The following SRPK2 variants were observed in gnomAD, a reference collection of about 807,000 sequenced individuals.
The protein encoded by SRPK2 is SRSF protein kinase 2.
A neutral mutation model predicts 90.8 loss-of-function variants in SRPK2; 21 were observed. The ratio of observed to expected loss-of-function variants is 0.23; its 90% CI spans 0.16 to 0.33. SRPK2 has a LOEUF of 0.33. Ranked by LOEUF, SRPK2 falls within the 10% of genes least tolerant of loss-of-function variation. SRPK2 has a pLI of 1.00. For synonymous variants in SRPK2, 288 were observed against 311.1 expected, an observed-to-expected ratio of 0.93 and a Z score of 0.78; for missense variants, 620 against 869.0, an observed-to-expected ratio of 0.71 and a Z score of 3.60.
chr7:105,175,863 T>C (rs1791772457), intron 3 of SRPK2, among the ~76,000 whole-genome samples: 1 of 152,146 alleles, frequency 6.6e-6, no homozygotes, highest in Non-Finnish European at 1.5e-5. Context: ...AATGAATTTA[T>C]TGTTCAAAAT....
At chr7:105,128,464 G>A (rs1031310660) in intron 13 of SRPK2, among the ~76,000 whole-genome samples, 1 of 152,110 alleles carries the variant, frequency 6.6e-6, no homozygotes, top group African/African-American at 2.4e-5. Flanking sequence ...ATGAGGGCAG[G>A]AAAACCTCAT....
At chr7:105,210,608 C>A (rs757827742) in intron 2 of SRPK2, among the ~76,000 whole-genome samples, 1 of 152,076 alleles carries the variant, frequency 6.6e-6, no homozygotes, top group Non-Finnish European at 1.5e-5. Flanking sequence ...CCTCAATGAC[C>A]CTCATCCATG....
Position 105,167,994 on chromosome 7 carries a change from T to C in SRPK2, c.426+14A>G. ...TAAGTTTTCTTATATCATTCACATTTTTAAAGTACTTACACATTTGAGCAA... is the reference window on the plus strand; with the variant it reads ...TAAGTTTTCTTATATCATTCACATTCTTAAAGTACTTACACATTTGAGCAA... On this transcript the variant is annotated intron_variant, in intron 5 of 15. Coordinates refer to ENST00000393651, the MANE Select transcript of SRPK2 (RefSeq NM_182692.3). 1.9e-6 allele frequency: 3 copies of C among 1,578,886 alleles called. No individual in the cohort carries two copies. The highest frequency in any genetic ancestry group is 2.6e-6 in the Non-Finnish European group (3 of 1,158,516).
intron 15 of SRPK2, among the ~76,000 whole-genome samples, chr7:105,125,526 A>G (rs553138729): frequency 4.6e-5 from 7 of 152,344 alleles, no homozygotes; most frequent in African/African-American, 1.7e-4. Flanking sequence ...TCCTTTTTAT[A>G]AATAATATAC....
At chr7:105,336,704 G>C (rs1490865361) in intron 2 of SRPK2, among the ~76,000 whole-genome samples, 1 of 152,198 alleles carries the variant, frequency 6.6e-6, no homozygotes, top group African/African-American at 2.4e-5. Flanking sequence ...GATTTTAAAA[G>C]CATAACAAAT....
At chr7:105,325,707 G>C (rs866627270) in intron 2 of SRPK2, among the ~76,000 whole-genome samples, 4 of 152,068 alleles carry the variant, frequency 2.6e-5, no homozygotes, top group African/African-American at 7.2e-5. Context: ...AATTAGTCAG[G>C]CACAGTAGCA....
chr7:105,384,867 C>A (rs1821350116), intron 2 of SRPK2, among the ~76,000 whole-genome samples: 1 of 150,896 alleles, frequency 6.6e-6, no homozygotes, highest in African/African-American at 2.4e-5. Context: ...ACAATCTATT[C>A]TCCACATAGC....
intron 2 of SRPK2, among the ~76,000 whole-genome samples, chr7:105,242,167 TA>T (rs1437646719): frequency 9.2e-5 from 14 of 152,326 alleles, no homozygotes; most frequent in African/African-American, 3.1e-4. Context: ...CTTAGAGCTC[TA>T]AGTTAATCTA....
intron 3 of SRPK2, among the ~76,000 whole-genome samples, chr7:105,194,576 T>C (rs141133781): frequency 4.3e-4 from 65 of 152,238 alleles, no homozygotes; most frequent in African/African-American, 1.4e-3. Context: ...CACCAAAAAC[T>C]ACAAAACATT....
chr7:105,133,773 A>G (rs986013750), intron 11 of SRPK2, among the ~76,000 whole-genome samples: 16 of 152,324 alleles, frequency 1.1e-4, no homozygotes, highest in African/African-American at 3.4e-4. Flanking sequence ...CCTGGGCCAT[A>G]AAGGCAACCT....
At chr7:105,334,457 A>G (rs1814821165) in intron 2 of SRPK2, among the ~76,000 whole-genome samples, 1 of 150,428 alleles carries the variant, frequency 6.6e-6, no homozygotes, top group African/African-American at 2.4e-5. Flanking sequence ...CTCCGACCTC[A>G]TGATCCACCC....
intron 2 of SRPK2, among the ~76,000 whole-genome samples, chr7:105,260,636 A>T (rs1417620907): frequency 6.6e-6 from 1 of 152,216 alleles, no homozygotes; most frequent in East Asian, 1.9e-4. Context: ...ACCAACCCAA[A>T]TGTCCATCAA....
chr7:105,145,159 G>C (rs975163305), intron 9 of SRPK2, 124 bp downstream of exon 9: 15 of 565,354 alleles, frequency 2.7e-5, no homozygotes, highest in South Asian at 5.1e-5. Flanking sequence ...CCTATTTGAG[G>C]ATACACAGCT....
Position 105,213,140 on chromosome 7 carries a change from T to G in SRPK2, c.72-9355A>C, listed in dbSNP as rs180724074. Among the ~76,000 whole-genome samples the G allele has an allele frequency of 2.6e-4, 39 of 152,294 alleles. No individual in the cohort carries two copies. In the East Asian group the frequency reaches 7.3e-3, roughly 29 times the overall value. On this transcript the variant is annotated intron_variant, in intron 2 of 15. Coordinates refer to ENST00000393651, the MANE Select transcript of SRPK2 (RefSeq NM_182692.3). ...CTAAGGACAACTCTAATTCATTTGC[T>G]AGAAGTGGATGTTTGACTCTTCATT... is the stretch of plus-strand genomic sequence containing the variant.
At chr7:105,129,990 C>T (rs1402877138) in intron 13 of SRPK2, among the ~76,000 whole-genome samples, 2 of 152,120 alleles carry the variant, frequency 1.3e-5, no homozygotes, top group African/African-American at 2.4e-5. Context: ...GACTCTAATA[C>T]ATAAATGCAG....
chr7:105,384,789 C>G (rs1419776737), intron 2 of SRPK2, among the ~76,000 whole-genome samples: 1 of 152,172 alleles, frequency 6.6e-6, no homozygotes, highest in Non-Finnish European at 1.5e-5. Flanking sequence ...TCCTCACACA[C>G]TCAACGTCAC....
At chr7:105,136,622 T>C (rs1448803147) in intron 11 of SRPK2, among the ~76,000 whole-genome samples, 3 of 152,212 alleles carry the variant, frequency 2.0e-5, no homozygotes, top group Non-Finnish European at 4.4e-5. Flanking sequence ...TCCTAGGAAC[T>C]ATTAGATGGT....
At chr7:105,361,245 T>C (rs1396298915) in intron 2 of SRPK2, among the ~76,000 whole-genome samples, 1 of 151,934 alleles carries the variant, frequency 6.6e-6, no homozygotes, top group Non-Finnish European at 1.5e-5. Flanking sequence ...GAGAATACAA[T>C]ACCTAGGAAT....
chr7:105,337,370 A>G lies in SRPK2; in HGVS notation c.71+51278T>C, dbSNP rs138813515. Among the ~76,000 whole-genome samples, 347 of 151,044 alleles carry G rather than the reference A, an allele frequency of 2.3e-3. 1 individual carries two copies. The highest frequency in any genetic ancestry group is 8.1e-3 in the African/African-American group (334 of 41,084). ...TGCTCTGTTGCCCAGGCTGGAGTGC[A>G]ATGGCACAATCTTAGCTCACTGCAA... On this transcript the variant is annotated intron_variant, in intron 2 of 15. Transcript: ENST00000393651.
Sources: allele counts gnomAD v4.1 joint callset (sites outside exome capture counted in the v4.1 genomes callset), GRCh38; gene constraint gnomAD v4.1.1; transcripts MANE v1.5; gene names NCBI Gene and HGNC (gene_info 2026-07-23, HGNC 2026-07-21).